The following MCF2L variants were observed in gnomAD, a reference collection of about 807,000 sequenced individuals.
MCF2L encodes guanine nucleotide exchange factor DBS.
A neutral mutation model predicts 153.4 loss-of-function variants in MCF2L; 97 were observed. That is an observed-to-expected ratio of 0.63 (90% CI 0.54 to 0.75). MCF2L has a LOEUF of 0.75. MCF2L is among the 30% of genes least tolerant of loss of function. The pLI is 0.00. For synonymous variants in MCF2L, 659 were observed against 632.2 expected (o/e 1.04, Z -0.64); for missense variants, 1,347 against 1,495.2 (o/e 0.90, Z 1.64).
Position 113,025,526 on chromosome 13 carries a change from C to G in MCF2L, c.278+768C>G, listed in dbSNP as rs111247839. 3.8e-3 allele frequency among the ~76,000 whole-genome samples: 103 copies of G among 27,418 alleles called. 10 individuals carry two copies. Among genetic ancestry groups the G allele is most frequent in the African/African-American group, 8.4e-3 (49 of 5,838 alleles). The allele number at this position is 27,418 out of a possible 152,430, so 18.0% of individuals were successfully genotyped here. A position where few individuals can be genotyped will look rare whatever the true frequency, so the allele number is the denominator to read the frequency against. On this transcript the variant is annotated intron_variant, in intron 3 of 29. Coordinates refer to ENST00000535094, the MANE Select transcript of MCF2L (RefSeq NM_001112732.3). Reference sequence around the variant, plus strand: ...CAGAGTCTCTGTGAGGTTTCATCATCGTGGGGTCCCCGTGACTGTGGGTTG... The same window carrying G: ...CAGAGTCTCTGTGAGGTTTCATCATGGTGGGGTCCCCGTGACTGTGGGTTG...
chr13:113,016,553 G>A (rs1206752348), intron 2 of MCF2L, among the ~76,000 whole-genome samples: 1 of 152,152 alleles, frequency 6.6e-6, no homozygotes, highest in Non-Finnish European at 1.5e-5. Flanking sequence ...CCACACCAAA[G>A]CCTCCGTCGG....
rs764302488 is a variant in MCF2L, at chr13:113,065,069, A to G, written c.740A>G (p.Lys247Arg). 1.9e-6 allele frequency: 3 copies of G among 1,576,140 alleles called. No homozygotes were observed. In the Admixed American group the frequency reaches 5.1e-5, roughly 27 times the overall value. The change falls in exon 7 of 30, where the codon AAG (lysine) becomes AGG (arginine). Residue 247 changes from lysine (K) to arginine (R), a missense_variant. By Grantham distance (26) the Lys-to-Arg change is conservative (BLOSUM62 2). Transcript: ENST00000535094. ...TCAGTGCTGTGTGCGCACACAGAGA[A>G]GAAGGACAAGGCGAAGGTACATGGG... ...TSSVLCAHTE[K>R]KDKAKEDLRL...
At chr13:112,978,938 C>T (rs943096061) in intron 1 of MCF2L, among the ~76,000 whole-genome samples, 2 of 152,220 alleles carry the variant, frequency 1.3e-5, no homozygotes, top group African/African-American at 2.4e-5. Context: ...GAGGGTGGCA[C>T]GTCACCTCGG....
At chr13:112,987,089 A>G (rs368211479) in intron 1 of MCF2L, among the ~76,000 whole-genome samples, 1 of 151,788 alleles carries the variant, frequency 6.6e-6, no homozygotes, top group Non-Finnish European at 1.5e-5. Flanking sequence ...TTTTACACAG[A>G]TGGCACCCGG....
chr13:112,911,070 C>T (rs1253825733), intron 2 of MCF2L, among the ~76,000 whole-genome samples: 4 of 152,210 alleles, frequency 2.6e-5, no homozygotes, highest in Admixed American at 2.0e-4. Flanking sequence ...CGCTCCCCGG[C>T]GTCAGCTGGT....
At chr13:112,968,566 C>T (rs777529281), upstream of MCF2L, 77 of 1,543,870 alleles carry the variant, frequency 5.0e-5, no homozygotes, top group Admixed American at 1.3e-3. Context: ...CTGGTCCATC[C>T]CCGGCCAGCC....
intron 2 of MCF2L, among the ~76,000 whole-genome samples, chr13:112,961,992 T>G (rs781540986): frequency 8.6e-5 from 13 of 151,832 alleles, no homozygotes; most frequent in Non-Finnish European, 1.8e-4. Flanking sequence ...CACACACACA[T>G]GCACACACAA....
intron 3 of MCF2L, among the ~76,000 whole-genome samples, chr13:113,034,703 C>T (rs1194003979): frequency 1.3e-5 from 2 of 152,152 alleles, no homozygotes; most frequent in African/African-American, 4.8e-5. Context: ...GTCTCACCCG[C>T]GCCCTTGCCC....
chr13:113,001,553 A>G lies in MCF2L; in HGVS notation c.80-13210A>G, dbSNP rs1251897172. The G allele has an allele frequency of 2.6e-5, 9 of 339,642 alleles. No homozygotes were observed. In the South Asian group the frequency reaches 2.7e-4, roughly 10 times the overall value. The allele number at this position is 339,642 out of a possible 1,614,324, so 21.0% of individuals were successfully genotyped here. A position where few individuals can be genotyped will look rare whatever the true frequency, so the allele number is the denominator to read the frequency against. On this transcript the variant is annotated intron_variant, in intron 1 of 29. Transcript: ENST00000535094. The stretch of plus-strand genomic sequence containing the variant: ...CTGCCAGCTCAGGTCCCTGCCACTC[A>G]GTGGATGGGACTTTGGCGGAGTGTG...
At position 113,064,444 on chromosome 13, in the gene MCF2L, G is replaced by A. The variant is rs755401493; in HGVS notation, c.606+24G>A. The A allele has an allele frequency of 2.0e-6, 3 of 1,501,520 alleles. No individual in the cohort carries two copies. Among genetic ancestry groups the A allele is most frequent in the Non-Finnish European group, 2.8e-6 (3 of 1,081,594 alleles). The allele number at this position is 1,501,520 out of a possible 1,614,324, so 93.0% of individuals were successfully genotyped here. ...CGGTGAGCCGCGTCGGGGCCAGCGG[G>A]GCTGGCTGATACCAGCTCGAGTACT... is the stretch of plus-strand genomic sequence containing the variant. On this transcript the variant is annotated intron_variant, in intron 6 of 29. Transcript: ENST00000535094. This position sits in a 1 kb window ranked among gnomAD's most constrained non-coding sequence, Gnocchi z 6.0.
chr13:113,052,341 T>A (rs530409074), intron 4 of MCF2L, among the ~76,000 whole-genome samples: 1 of 152,126 alleles, frequency 6.6e-6, no homozygotes, highest in Non-Finnish European at 1.5e-5. Context: ...TGAGGCTCCG[T>A]GTGGGCCGTG....
chr13:113,016,212 C>T (rs545831061), intron 2 of MCF2L, among the ~76,000 whole-genome samples: 17 of 152,352 alleles, frequency 1.1e-4, no homozygotes, highest in African/African-American at 4.1e-4. Flanking sequence ...CCTTGGTGGG[C>T]TTGACCCACT....
At chr13:113,049,547 C>T (rs965444206) in intron 4 of MCF2L, among the ~76,000 whole-genome samples, 1 of 152,346 alleles carries the variant, frequency 6.6e-6, no homozygotes, top group East Asian at 1.9e-4. Context: ...GCCTTGACAG[C>T]GAGCTTTGGC....
rs915930940 is a variant in MCF2L, at chr13:113,085,446, G to T, written c.2247+268G>T. Reference sequence around the variant, plus strand: ...GGGATTCTGTGTGATGTGCTGACCCGTCCCTCCAGGGTGGAGCCGTGCCCG... The same window carrying T: ...GGGATTCTGTGTGATGTGCTGACCCTTCCCTCCAGGGTGGAGCCGTGCCCG... On this transcript the variant is annotated intron_variant, in intron 20 of 29. Coordinates refer to ENST00000535094, the MANE Select transcript of MCF2L (RefSeq NM_001112732.3). Among the ~76,000 whole-genome samples, 5 of 152,202 alleles carry T rather than the reference G, an allele frequency of 3.3e-5. No homozygotes were observed. The East Asian group carries it at 9.6e-4, about 29-fold the overall frequency.
chr13:112,927,745 C>G (rs532859925), intron 2 of MCF2L, among the ~76,000 whole-genome samples: 1 of 152,216 alleles, frequency 6.6e-6, no homozygotes, highest in South Asian at 2.1e-4. Context: ...ATAGGAAATA[C>G]CGGGGACAGA....
Position 112,932,034 on chromosome 13 carries a change from T to C in MCF2L, c.169+29663T>C, listed in dbSNP as rs1166130132. ...AAGAATTCCCCATCCTTCATGTAGA[T>C]GAGTTGTTGTCACGAGGGGAGCTCA... is the stretch of plus-strand genomic sequence containing the variant. On this transcript the variant is annotated intron_variant, in intron 2 of 29. Transcript: ENST00000375608. This position sits in a 1 kb window ranked among gnomAD's most constrained non-coding sequence, Gnocchi z 4.6. 6.6e-6 allele frequency among the ~76,000 whole-genome samples: 1 copy of C among 152,196 alleles called. No homozygotes were observed. Among genetic ancestry groups the C allele is most frequent in the Non-Finnish European group, 1.5e-5 (1 of 68,040 alleles).
rs558202332 is a variant in MCF2L, at chr13:112,983,087, C to T, written c.79+13629C>T. Reference sequence around the variant, plus strand: ...TGGGGGCAGCCAGGCTGGTTCAGTGCAAGGCCTGAGGTGAGGTTCAGGTGC... The same window carrying T: ...TGGGGGCAGCCAGGCTGGTTCAGTGTAAGGCCTGAGGTGAGGTTCAGGTGC... On this transcript the variant is annotated intron_variant, in intron 1 of 29. Coordinates refer to ENST00000535094, the MANE Select transcript of MCF2L (RefSeq NM_001112732.3). This position sits in a 1 kb window ranked among gnomAD's most constrained non-coding sequence, Gnocchi z 4.0. Among the ~76,000 whole-genome samples the T allele has an allele frequency of 1.3e-5, 2 of 152,024 alleles. No homozygotes were observed. The highest frequency in any genetic ancestry group is 4.2e-4 in the South Asian group (2 of 4,798).
chr13:113,074,161 C>T lies in MCF2L; in HGVS notation c.997-283C>T, dbSNP rs375478489. 2.0e-5 allele frequency among the ~76,000 whole-genome samples: 3 copies of T among 151,960 alleles called. No homozygotes were observed. The highest frequency in any genetic ancestry group is 4.4e-5 in the Non-Finnish European group (3 of 68,028). On this transcript the variant is annotated intron_variant, in intron 9 of 29. Coordinates refer to ENST00000535094, the MANE Select transcript of MCF2L (RefSeq NM_001112732.3). The surrounding 1 kb of genome is among the most constrained non-coding windows in gnomAD (Gnocchi z 4.2). ...ATCTTCTCCTCATGCTGTTTTCAGG[C>T]GTGTGGTTGATAAACGGAGGCACAC...
At chr13:113,006,850 C>T (rs1295034499) in intron 1 of MCF2L, among the ~76,000 whole-genome samples, 9 of 152,216 alleles carry the variant, frequency 5.9e-5, no homozygotes, top group African/African-American at 2.2e-4. Flanking sequence ...TGGCTCAGCC[C>T]CCAAGGGCAG....
Sources: allele counts gnomAD v4.1 joint callset (sites outside exome capture counted in the v4.1 genomes callset), GRCh38; gene constraint gnomAD v4.1.1; non-coding constraint Gnocchi (gnomAD v3.1); transcripts MANE v1.5; gene names NCBI Gene and HGNC (gene_info 2026-07-23, HGNC 2026-07-21).